Variants in AZIN1 observed in about 807,000 individuals in gnomAD.
The protein encoded by AZIN1 is antizyme inhibitor 1, also known as ornithine decarboxylase antizyme inhibitor.
In AZIN1, 12 loss-of-function variants were observed where a neutral mutation model predicts 47.4. The ratio of observed to expected loss-of-function variants is 0.25; its 90% CI spans 0.16 to 0.41. AZIN1 has a LOEUF of 0.41. Ranked by LOEUF, AZIN1 falls within the 10% of genes least tolerant of loss-of-function variation. The probability of loss-of-function intolerance (pLI) is 1.00; values close to 1 mark genes in which losing one functional copy is unlikely to be tolerated. For synonymous variants in AZIN1, 155 were observed against 176.3 expected (o/e 0.88, Z 0.96); for missense variants, 410 against 532.4 (o/e 0.77, Z 2.26).
intron 3 of AZIN1, among the ~76,000 whole-genome samples, chr8:102,842,622 G>A (rs147284338): frequency 0.056 from 8,441 of 150,984 alleles, 282 homozygotes; most frequent in African/African-American, 0.094. Context: ...CAGGAGAATC[G>A]CTTGAACCTG....
At chr8:102,848,748 T>C (rs1812741956) in intron 2 of AZIN1, among the ~76,000 whole-genome samples, 1 of 152,146 alleles carries the variant, frequency 6.6e-6, no homozygotes, top group Admixed American at 6.5e-5. Flanking sequence ...GTTTTCTTAA[T>C]ATATTAGCAA....
At chr8:102,836,213 C>T (rs1351557557) in intron 6 of AZIN1, 43 bp downstream of exon 6, 1 of 1,580,926 alleles carries the variant, frequency 6.3e-7, no homozygotes, top group Non-Finnish European at 8.6e-7. Flanking sequence ...AGGTTACCAC[C>T]ATAAAATGTT....
chr8:102,849,481 T>A (rs974284335), intron 2 of AZIN1, among the ~76,000 whole-genome samples: 1 of 152,116 alleles, frequency 6.6e-6, no homozygotes, highest in Non-Finnish European at 1.5e-5. Context: ...AGGACTGATT[T>A]ACTGGCTGCA....
At chr8:102,840,567 A>C (rs1487427734) in intron 3 of AZIN1, among the ~76,000 whole-genome samples, 5 of 152,200 alleles carry the variant, frequency 3.3e-5, no homozygotes, top group Admixed American at 1.3e-4. Flanking sequence ...TGTCAAAATT[A>C]GATTTTAAAA....
chr8:102,854,916 A>G (rs1234185809), intron 2 of AZIN1, among the ~76,000 whole-genome samples: 1 of 152,210 alleles, frequency 6.6e-6, no homozygotes, highest in Non-Finnish European at 1.5e-5. Flanking sequence ...CACTGGATCC[A>G]CTATGAGAAG....
At position 102,832,774 on chromosome 8, in the gene AZIN1, G is replaced by A. The variant is rs917609727; in HGVS notation, c.904+282C>T. Among the ~76,000 whole-genome samples, 8 of 151,894 alleles carry A rather than the reference G, an allele frequency of 5.3e-5. No homozygotes were observed. In the South Asian group the frequency reaches 6.3e-4, roughly 12 times the overall value. On this transcript the variant is annotated intron_variant, in intron 9 of 11. Coordinates refer to ENST00000337198, the MANE Select transcript of AZIN1 (RefSeq NM_148174.4). ...TTGTGCCTCAGCCTCCCGAGTAGCC[G>A]GGATTACAGGTGTGCGCCACCATGA...
chr8:102,859,496 C>A (rs1813494550), intron 1 of AZIN1, among the ~76,000 whole-genome samples: 1 of 152,136 alleles, frequency 6.6e-6, no homozygotes, highest in Admixed American at 6.6e-5. Context: ...CAGTGAGAAC[C>A]CTACAACATT....
At chr8:102,857,377 G>A (rs1035461581) in intron 2 of AZIN1, among the ~76,000 whole-genome samples, 4 of 151,734 alleles carry the variant, frequency 2.6e-5, no homozygotes, top group Admixed American at 6.6e-5. Flanking sequence ...GTAACAATAA[G>A]TCTATATACC....
intron 3 of AZIN1, among the ~76,000 whole-genome samples, chr8:102,842,635 A>G (rs1460603115): frequency 6.7e-6 from 1 of 150,268 alleles, no homozygotes; most frequent in Non-Finnish European, 1.5e-5. Context: ...TGAACCTGGG[A>G]GGCGGAGGTT....
intron 1 of AZIN1, among the ~76,000 whole-genome samples, chr8:102,861,768 C>A (rs989232207): frequency 4.0e-5 from 6 of 151,780 alleles, no homozygotes; most frequent in African/African-American, 1.5e-4. Flanking sequence ...ATCAGCCGGG[C>A]GCAGTGGCTC....
intron 10 of AZIN1, 111 bp downstream of exon 10, chr8:102,829,710 G>T: frequency 1.1e-6 from 1 of 918,826 alleles, no homozygotes; most frequent in Non-Finnish European, 1.7e-6. Context: ...CCTCAAAAAG[G>T]ACATTTTTCC....
At chr8:102,839,967 T>C (rs1323851239) in intron 3 of AZIN1, 144 bp from the exon 4 acceptor site, 1 of 478,868 alleles carries the variant, frequency 2.1e-6, no homozygotes, top group Non-Finnish European at 3.6e-6. Context: ...TTAAAGCTTG[T>C]TAACTAGATT....
intron 2 of AZIN1, among the ~76,000 whole-genome samples, chr8:102,856,745 A>C (rs2131280355): frequency 6.6e-6 from 1 of 152,376 alleles, no homozygotes; most frequent in East Asian, 1.9e-4. Flanking sequence ...GAAAAACATC[A>C]GGTATGTTGC....
intron 2 of AZIN1, among the ~76,000 whole-genome samples, chr8:102,852,584 TA>T (rs899754658): frequency 1.5e-3 from 229 of 150,812 alleles, no homozygotes; most frequent in African/African-American, 5.3e-3. Context: ...AAAATAATAG[TA>T]AAAAAAAAAT....
In AZIN1 at chr8:102,848,011, CAT is replaced by C. The variant is rs200401269; in HGVS notation, c.-95-4266_-95-4265del. ...CAGATCAAATATATGAAGGTGGTCT[CAT>C]AATACCATATTTTTACTGTACCTTT... On this transcript the variant is annotated intron_variant, in intron 2 of 11. Coordinates refer to ENST00000337198, the MANE Select transcript of AZIN1 (RefSeq NM_148174.4). Among the ~76,000 whole-genome samples, 1,315 of 152,270 alleles carry C rather than the reference CAT, an allele frequency of 8.6e-3. 17 individuals carry two copies. The highest frequency in any genetic ancestry group is 0.041 in the Middle Eastern group (12 of 294).
intron 2 of AZIN1, among the ~76,000 whole-genome samples, chr8:102,848,587 A>G (rs1812732225): frequency 1.3e-5 from 2 of 152,162 alleles, no homozygotes; most frequent in Admixed American, 6.5e-5. Flanking sequence ...TTCAAATGAA[A>G]TGCCACTTGG....
intron 2 of AZIN1, chr8:102,856,108 T>TTTC (rs1554584017): frequency 5.3e-5 from 8 of 150,556 alleles, no homozygotes; most frequent in Admixed American, 2.0e-4. Flanking sequence ...TTTTTTTTTT[T>TTTC]CCCAAATCAG....
chr8:102,862,755 C>T (rs1399120636), intron 1 of AZIN1, among the ~76,000 whole-genome samples: 2 of 152,184 alleles, frequency 1.3e-5, no homozygotes, highest in Non-Finnish European at 2.9e-5. Flanking sequence ...CGACGGGACA[C>T]AGAACTAATA....
chr8:102,829,536 T>C (rs777285662), intron 10 of AZIN1, 50 bp from the exon 11 acceptor site: 1 of 1,477,868 alleles, frequency 6.8e-7, no homozygotes, highest in Non-Finnish European at 9.3e-7. Context: ...TACGCAGGTA[T>C]TGAATTTGTG....
Sources: gnomAD v4.1 joint callset for allele counts (sites outside exome capture counted in the v4.1 genomes callset) on GRCh38, gnomAD v4.1.1 for gene constraint, MANE v1.5 for transcripts, NCBI Gene and HGNC (gene_info 2026-07-23, HGNC 2026-07-21) for gene names.